The following ZMPSTE24 variants were observed in gnomAD, a reference collection of about 807,000 sequenced individuals.
ZMPSTE24 encodes the protein zinc metallopeptidase STE24.
ZMPSTE24 carries 48 observed loss-of-function variants against 56.7 expected under a neutral mutation model. The ratio of observed to expected loss-of-function variants is 0.85; its 90% CI spans 0.67 to 1.08. The LOEUF (loss-of-function observed/expected upper bound fraction) is 1.08, where lower values mean the gene tolerates loss of function less well. Among genes scored for constraint, ZMPSTE24 ranks in the 50% least tolerant of loss-of-function variants. The pLI is 0.00. For missense variants in ZMPSTE24, 503 were observed against 548.7 expected, an observed-to-expected ratio of 0.92 and a Z score of 0.83; for synonymous variants, 172 against 195.2, an observed-to-expected ratio of 0.88 and a Z score of 0.99.
At chr1:40,272,876 C>T (rs532829989) in intron 6 of ZMPSTE24, among the ~76,000 whole-genome samples, 39 of 152,278 alleles carry the variant, frequency 2.6e-4, no homozygotes, top group African/African-American at 8.7e-4. Context: ...TATGGTTTCA[C>T]AAATGTTTTT....
At chr1:40,274,324 A>G (rs1569638119) in intron 6 of ZMPSTE24, among the ~76,000 whole-genome samples, 1 of 152,278 alleles carries the variant, frequency 6.6e-6, no homozygotes, top group African/African-American at 2.4e-5. Context: ...GTTGCTGACA[A>G]TAACAACACA....
At chr1:40,258,488 C>G in intron 1 of ZMPSTE24, 94 bp downstream of exon 1, 1 of 1,596,586 alleles carries the variant, frequency 6.3e-7, no homozygotes, top group South Asian at 1.1e-5. Context: ...GCTTCGGTCC[C>G]CGCGCCAGTC....
rs745478078 is a variant in ZMPSTE24 at position 40,268,552 on chromosome 1, A to G, written c.474+17A>G. On this transcript the variant is annotated intron_variant, in intron 4 of 9. Coordinates refer to ENST00000372759, the MANE Select transcript of ZMPSTE24 (RefSeq NM_005857.5). ...AATCAACAGGTATAATAAAGAATAC[A>G]AATGTTCTCTTTTAAATGTGAAAAA... 6.7e-7 allele frequency: 1 copy of G among 1,494,250 alleles called. No individual in the cohort carries two copies. The highest frequency in any genetic ancestry group is 1.1e-5 in the South Asian group (1 of 87,996). 92.6% of individuals were successfully genotyped at this position (1,494,250 alleles called of 1,614,324 possible).
chr1:40,281,466 C>G lies in ZMPSTE24; in HGVS notation c.893C>G (p.Ser298Cys). 1 of 1,614,110 alleles carries G rather than the reference C, an allele frequency of 6.2e-7. No homozygotes were observed. The highest frequency in any genetic ancestry group is 8.5e-7 in the Non-Finnish European group (1 of 1,179,998). Residue 298 changes from serine to cysteine, a missense_variant, in exon 7 of 10, where the codon TCT becomes TGT. Transcript: ENST00000372759. ...SVLNKDIQED[S>C]GMEPRNEEEG... ...CTAAACAAAGACATCCAGGAGGATT[C>G]TGGCATGGAACCCCGCAATGAGGAA...
chr1:40,273,043 A>T (rs1386159704), intron 6 of ZMPSTE24, among the ~76,000 whole-genome samples: 1 of 152,236 alleles, frequency 6.6e-6, no homozygotes, highest in African/African-American at 2.4e-5. Flanking sequence ...AATAAATGGC[A>T]GATTGGATTT....
chr1:40,275,440 C>A (rs1478141318), intron 6 of ZMPSTE24, among the ~76,000 whole-genome samples: 1 of 148,586 alleles, frequency 6.7e-6, no homozygotes, highest in South Asian at 2.2e-4. Context: ...TCTCAAAAAA[C>A]AAACAAACAA....
chr1:40,278,537 G>A (rs1277762631), intron 6 of ZMPSTE24, among the ~76,000 whole-genome samples: 3 of 102,002 alleles, frequency 2.9e-5, no homozygotes, highest in African/African-American at 7.9e-5. Context: ...CAGCCTGGGC[G>A]ACAGAGTGAG....
Position 40,285,990 on chromosome 1 carries a change from G to A in ZMPSTE24, c.1020G>A (p.Trp340Ter), listed in dbSNP as rs281875372. 3 of 1,614,068 alleles carry A rather than the reference G, an allele frequency of 1.9e-6. No homozygotes were observed. In the Admixed American group the frequency reaches 5.0e-5, roughly 27 times the overall value. The change falls in exon 8 of 10, where the codon TGG (tryptophan) becomes TGA (stop). Residue 340 changes from tryptophan (W) to a stop codon, truncating the protein, a stop_gained. Coordinates refer to ENST00000372759, the MANE Select transcript of ZMPSTE24 (RefSeq NM_005857.5). LOFTEE classifies it high-confidence loss of function. ...TACTAGGCCATGAACTGGGGCACTG[G>A]AAGTTGGGACATACAGTCAAAAATA... ...LAVLGHELGH[W>*]KLGHTVKNII...
In ZMPSTE24 at chr1:40,292,790, T is replaced by A. The variant is rs910675328; in HGVS notation, c.*121T>A. On this transcript the variant is annotated 3_prime_UTR_variant, in exon 10 of 10. Transcript: ENST00000372759. ...AAATTAAGTACAGAAAAGCCCAGATTTAAATACATTTAATATGTCATTTTA... is the reference window on the plus strand; with the variant it reads ...AAATTAAGTACAGAAAAGCCCAGATATAAATACATTTAATATGTCATTTTA... 3.5e-5 allele frequency: 26 copies of A among 743,144 alleles called. No individual in the cohort carries two copies. The highest frequency in any genetic ancestry group is 5.6e-5 in the Non-Finnish European group (25 of 447,638). 46.0% of individuals were successfully genotyped at this position (743,144 alleles called of 1,614,324 possible). A position where few individuals can be genotyped will look rare whatever the true frequency, so the allele number is the denominator to read the frequency against.
intron 8 of ZMPSTE24, among the ~76,000 whole-genome samples, chr1:40,287,036 G>C (rs1643794981): frequency 6.7e-6 from 1 of 149,190 alleles, no homozygotes; most frequent in Non-Finnish European, 1.5e-5. Context: ...CCGGCCTCTA[G>C]AATGCTTTTT....
chr1:40,292,417 G>T, intron 9 of ZMPSTE24, 28 bp from the exon 10 acceptor site: 1 of 1,608,408 alleles, frequency 6.2e-7, no homozygotes, highest in Non-Finnish European at 8.5e-7. Flanking sequence ...GTGGGCAGTG[G>T]CTAAAACCCT....
At chr1:40,286,102 A>C in intron 8 of ZMPSTE24, 73 bp downstream of exon 8, 7 of 1,364,112 alleles carry the variant, frequency 5.1e-6, no homozygotes, top group Non-Finnish European at 7.2e-6. Context: ...ATGAGAGGTC[A>C]TATAAGAGAG....
intron 8 of ZMPSTE24, 105 bp downstream of exon 8, chr1:40,286,134 AG>A: frequency 2.0e-6 from 2 of 997,650 alleles, no homozygotes; most frequent in South Asian, 2.7e-5. Flanking sequence ...CACCACAGCC[AG>A]GCTACCTGGT....
In ZMPSTE24 at chr1:40,293,748, T is replaced by G. The variant is rs935037392; in HGVS notation, c.*1079T>G. On this transcript the variant is annotated 3_prime_UTR_variant, in exon 10 of 10. Coordinates refer to ENST00000372759, the MANE Select transcript of ZMPSTE24 (RefSeq NM_005857.5). Reference sequence around the variant, plus strand: ...TCTTGAAATGCAGATAATGTTTACTTTGAAAACAAATGTCATGAATGATTT... The same window carrying G: ...TCTTGAAATGCAGATAATGTTTACTGTGAAAACAAATGTCATGAATGATTT... 4 of 152,356 alleles carry G rather than the reference T, an allele frequency of 2.6e-5. No individual in the cohort carries two copies. Among genetic ancestry groups the G allele is most frequent in the African/African-American group, 9.6e-5 (4 of 41,588 alleles). The allele number at this position is 152,356 out of a possible 1,614,324, so 9.4% of individuals were successfully genotyped here.
intron 8 of ZMPSTE24, among the ~76,000 whole-genome samples, chr1:40,289,846 C>A (rs1451388478): frequency 6.6e-6 from 1 of 152,158 alleles, no homozygotes; most frequent in Non-Finnish European, 1.5e-5. Context: ...TCAAGGGAAG[C>A]CTGTTTCTTT....
chr1:40,272,613 G>A (rs1251281439), intron 6 of ZMPSTE24, among the ~76,000 whole-genome samples: 1 of 152,118 alleles, frequency 6.6e-6, no homozygotes, highest in Non-Finnish European at 1.5e-5. Flanking sequence ...GTGGTCTCTT[G>A]ACCGTTACTC....
chr1:40,271,602 C>T (rs1198715803), intron 5 of ZMPSTE24, among the ~76,000 whole-genome samples: 1 of 152,190 alleles, frequency 6.6e-6, no homozygotes, highest in Non-Finnish European at 1.5e-5. Flanking sequence ...TTTGAAAGGA[C>T]TATACTTATT....
At chr1:40,270,574 C>T (rs190671155) in intron 5 of ZMPSTE24, among the ~76,000 whole-genome samples, 11 of 152,274 alleles carry the variant, frequency 7.2e-5, no homozygotes, top group Admixed American at 5.2e-4. Context: ...TTCCCTTCCA[C>T]GTTAGACACT....
At chr1:40,278,819 T>TCAAC (rs1250537454) in intron 6 of ZMPSTE24, among the ~76,000 whole-genome samples, 1 of 152,108 alleles carries the variant, frequency 6.6e-6, no homozygotes, top group Non-Finnish European at 1.5e-5. Context: ...AAAATAAAAA[T>TCAAC]CAACCATAGT....
Sources: gnomAD v4.1 joint callset for allele counts (sites outside exome capture counted in the v4.1 genomes callset) on GRCh38, gnomAD v4.1.1 for gene constraint, MANE v1.5 for transcripts, NCBI Gene and HGNC (gene_info 2026-07-23, HGNC 2026-07-21) for gene names.